Variants in PARVA observed in about 807,000 individuals in gnomAD.
The protein encoded by PARVA is parvin alpha.
A neutral mutation model predicts 52.6 loss-of-function variants in PARVA; 25 were observed. That is an observed-to-expected ratio of 0.48 (90% CI 0.35 to 0.66). The LOEUF is 0.66. Ranked by LOEUF, PARVA falls within the 30% of genes least tolerant of loss-of-function variation. PARVA has a pLI of 0.01. For synonymous variants in PARVA, 185 were observed against 179.1 expected (o/e 1.03, Z -0.26); for missense variants, 373 against 450.9 (o/e 0.83, Z 1.56).
intron 1 of PARVA, among the ~76,000 whole-genome samples, chr11:12,408,143 C>T (rs1278023331): frequency 6.6e-6 from 1 of 152,158 alleles, no homozygotes; most frequent in African/African-American, 2.4e-5. Context: ...CCACATGCCC[C>T]CACCCCGACC....
chr11:12,517,083 T>A (rs1941577132), intron 10 of PARVA, among the ~76,000 whole-genome samples: 1 of 151,852 alleles, frequency 6.6e-6, no homozygotes, highest in East Asian at 1.9e-4. Flanking sequence ...CACCTCCCCC[T>A]CCTCCCTCTG....
At chr11:12,510,182 C>T (rs745443534) in intron 7 of PARVA, among the ~76,000 whole-genome samples, 3 of 152,162 alleles carry the variant, frequency 2.0e-5, no homozygotes, top group Non-Finnish European at 4.4e-5. Flanking sequence ...CCCCACAGCC[C>T]AAGGGTGAGG....
intron 3 of PARVA, among the ~76,000 whole-genome samples, chr11:12,474,951 CAAA>C (rs373253926): frequency 1.2e-4 from 15 of 126,804 alleles, no homozygotes; most frequent in African/African-American, 3.5e-4. Context: ...GACCCTGTCT[CAAA>C]AAAAAAAAAA....
chr11:12,523,643 C>G (rs975918800), intron 12 of PARVA, among the ~76,000 whole-genome samples: 2 of 152,118 alleles, frequency 1.3e-5, no homozygotes, highest in African/African-American at 4.8e-5. Context: ...AACAATGAGC[C>G]CTTTCCCCTT....
At chr11:12,419,578 A>G (rs1589950601) in intron 1 of PARVA, among the ~76,000 whole-genome samples, 1 of 152,300 alleles carries the variant, frequency 6.6e-6, no homozygotes, top group East Asian at 1.9e-4. Flanking sequence ...TGCTCTGGAC[A>G]TGGGTGTACA....
chr11:12,475,237 T>A (rs1940994127), intron 3 of PARVA, among the ~76,000 whole-genome samples: 1 of 152,168 alleles, frequency 6.6e-6, no homozygotes, highest in Non-Finnish European at 1.5e-5. Flanking sequence ...CCACTCTGAG[T>A]AGAATGCCTC....
intron 1 of PARVA, among the ~76,000 whole-genome samples, chr11:12,464,029 C>G (rs1940820518): frequency 7.5e-6 from 1 of 133,042 alleles, no homozygotes; most frequent in Non-Finnish European, 1.6e-5. Flanking sequence ...CCAAGCTTAT[C>G]TCATATATTT....
At chr11:12,495,270 G>A (rs940530952) in intron 4 of PARVA, among the ~76,000 whole-genome samples, 5 of 152,126 alleles carry the variant, frequency 3.3e-5, no homozygotes, top group African/African-American at 4.8e-5. Flanking sequence ...AAAAAAATTC[G>A]CAAATCCACA....
Position 12,522,789 on chromosome 11 carries a change from T to TAAA in PARVA, c.1042+4283_1042+4285dup, listed in dbSNP as rs59606718. Among the ~76,000 whole-genome samples, 521 of 147,494 alleles carry TAAA rather than the reference T, an allele frequency of 3.5e-3. 3 individuals are homozygous for TAAA. Among genetic ancestry groups the TAAA allele is most frequent in the African/African-American group, 0.012 (493 of 40,250 alleles). ...TATAGCTATACCTCAGTAAAACTGT[T>TAAA]AAAAAAAAAAAAACAGACAGCTCAT... is the stretch of plus-strand genomic sequence containing the variant. On this transcript the variant is annotated intron_variant, in intron 12 of 12. Transcript: ENST00000334956.
upstream of PARVA, chr11:12,377,328 G>A (rs1345205274): frequency 8.2e-6 from 8 of 980,892 alleles, no homozygotes; most frequent in Non-Finnish European, 9.6e-6. Flanking sequence ...GAAGCTTTCC[G>A]GCTCGACCGC....
At chr11:12,479,803 A>G (rs1941063238) in intron 4 of PARVA, 1 of 152,182 alleles carries the variant, frequency 6.6e-6, no homozygotes, top group Non-Finnish European at 1.5e-5. Context: ...AAGACTTTCC[A>G]TGTCATCTGT....
At chr11:12,439,291 G>T (rs74905761) in intron 1 of PARVA, among the ~76,000 whole-genome samples, 1,810 of 152,258 alleles carry the variant, frequency 0.012, 39 homozygotes, top group African/African-American at 0.041. Context: ...TCCCCCAAAC[G>T]ACACTGCAGG....
chr11:12,434,123 C>G (rs1342259092), intron 1 of PARVA, among the ~76,000 whole-genome samples: 2 of 152,190 alleles, frequency 1.3e-5, no homozygotes, highest in African/African-American at 4.8e-5. Flanking sequence ...GACTTGTGTG[C>G]AGGCTACCTT....
At chr11:12,512,726 C>G (rs1379492170) in intron 8 of PARVA, among the ~76,000 whole-genome samples, 1 of 152,146 alleles carries the variant, frequency 6.6e-6, no homozygotes, top group Non-Finnish European at 1.5e-5. Context: ...TCATGACAAA[C>G]CTGAGGGAGG....
chr11:12,465,144 C>T (rs530304040), intron 1 of PARVA, among the ~76,000 whole-genome samples: 6 of 152,186 alleles, frequency 3.9e-5, no homozygotes, highest in East Asian at 3.9e-4. Flanking sequence ...TACTGGTCCA[C>T]GTTCTAGTTC....
At chr11:12,410,606 T>A (rs1359643849) in intron 1 of PARVA, among the ~76,000 whole-genome samples, 1 of 152,168 alleles carries the variant, frequency 6.6e-6, no homozygotes, top group South Asian at 2.1e-4. Flanking sequence ...TTTGGAGACA[T>A]CACTAGAAAA....
At chr11:12,431,688 G>C (rs1342189921) in intron 1 of PARVA, among the ~76,000 whole-genome samples, 1 of 152,240 alleles carries the variant, frequency 6.6e-6, no homozygotes, top group East Asian at 1.9e-4. Context: ...TGCAGACCCT[G>C]TGCTCAGCTG....
intron 1 of PARVA, among the ~76,000 whole-genome samples, chr11:12,396,620 G>T (rs1162589341): frequency 6.6e-6 from 1 of 152,236 alleles, no homozygotes. Context: ...CTGGCCCTCA[G>T]TGGGCATTCC....
chr11:12,443,836 TCTC>T (rs779879392), intron 1 of PARVA, among the ~76,000 whole-genome samples: 1 of 152,142 alleles, frequency 6.6e-6, no homozygotes, highest in Non-Finnish European at 1.5e-5. Flanking sequence ...GCTTGCTTCT[TCTC>T]CTCTACCTTC....
Sources: allele counts gnomAD v4.1 joint callset (sites outside exome capture counted in the v4.1 genomes callset), GRCh38; gene constraint gnomAD v4.1.1; transcripts MANE v1.5; gene names NCBI Gene and HGNC (gene_info 2026-07-23, HGNC 2026-07-21).